GRIN2B: variants seen among roughly 807,000 people sequenced by gnomAD.
GRIN2B encodes the protein glutamate ionotropic receptor NMDA type subunit 2B.
Under a neutral mutation model 114.5 loss-of-function variants are expected in GRIN2B, and 5 were observed. The observed-to-expected ratio is 0.04, with a 90% CI of 0.02 to 0.09. The LOEUF (loss-of-function observed/expected upper bound fraction) is 0.09, where lower values mean the gene tolerates loss of function less well. GRIN2B is among the 10% of genes least tolerant of loss of function. The probability of loss-of-function intolerance (pLI) is 1.00; values close to 1 mark genes in which losing one functional copy is unlikely to be tolerated. For missense variants in GRIN2B, 1,108 were observed against 1,943.5 expected (o/e 0.57, Z 8.08); for synonymous variants, 787 against 745.1 (o/e 1.06, Z -0.92).
At chr12:13,788,262 C>A (rs74067303) in intron 3 of GRIN2B, among the ~76,000 whole-genome samples, 6,095 of 152,210 alleles carry the variant, frequency 0.04, 194 homozygotes, top group African/African-American at 0.09. Flanking sequence ...GGGGACAGAA[C>A]TGGACTCTCA....
At position 13,549,069 on chromosome 12, in the gene GRIN2B, C is replaced by T. The variant is rs1270040219; in HGVS notation, c.*13714G>A. On this transcript the variant is annotated 3_prime_UTR_variant, in exon 14 of 14. Transcript: ENST00000609686. ...GCTCTTTCACTGTTTTTGGTTTAAG[C>T]ATAATGCTGTGAGCCAAAATTTCTT... 6.6e-6 allele frequency: 1 copy of T among 151,972 alleles called. No individual in the cohort carries two copies. Among genetic ancestry groups the T allele is most frequent in the African/African-American group, 2.4e-5 (1 of 41,370 alleles). The allele number at this position is 151,972 out of a possible 1,614,324, so 9.4% of individuals were successfully genotyped here.
chr12:13,619,526 G>A (rs1404733544), intron 5 of GRIN2B, among the ~76,000 whole-genome samples: 2 of 152,126 alleles, frequency 1.3e-5, no homozygotes, highest in Non-Finnish European at 2.9e-5. Flanking sequence ...TGTTCACGCA[G>A]TTCCCTCTAT....
intron 3 of GRIN2B, among the ~76,000 whole-genome samples, chr12:13,755,338 GA>G (rs1863558370): frequency 6.6e-6 from 1 of 152,226 alleles, no homozygotes; most frequent in Non-Finnish European, 1.5e-5. Flanking sequence ...ATTCGGCAAT[GA>G]GAGCTGCCAG....
At chr12:13,725,750 A>G (rs1862973775) in intron 4 of GRIN2B, among the ~76,000 whole-genome samples, 1 of 152,162 alleles carries the variant, frequency 6.6e-6, no homozygotes, top group Admixed American at 6.5e-5. Context: ...TCCAGGGAAG[A>G]GGGCCCAGGG....
chr12:13,773,451 C>A (rs1314251125), intron 3 of GRIN2B, among the ~76,000 whole-genome samples: 1 of 152,202 alleles, frequency 6.6e-6, no homozygotes, highest in African/African-American at 2.4e-5. Context: ...CAGTTGTCTG[C>A]TTCTTCTTTA....
At chr12:13,737,062 C>G (rs1009903207) in intron 4 of GRIN2B, among the ~76,000 whole-genome samples, 1 of 146,776 alleles carries the variant, frequency 6.8e-6, no homozygotes, top group African/African-American at 2.5e-5. Flanking sequence ...AGAAAAAGAA[C>G]ATGCAACATA....
chr12:13,633,352 A>T (rs570180701), intron 5 of GRIN2B, among the ~76,000 whole-genome samples: 1 of 152,340 alleles, frequency 6.6e-6, no homozygotes, highest in African/African-American at 2.4e-5. Context: ...AGCCTCACGC[A>T]TGCTAATGTT....
At chr12:13,823,998 G>C (rs1451219166) in intron 3 of GRIN2B, among the ~76,000 whole-genome samples, 2 of 152,100 alleles carry the variant, frequency 1.3e-5, no homozygotes, top group African/African-American at 4.8e-5. Flanking sequence ...TCTTAGATAT[G>C]ATGTATTATC....
At chr12:13,964,357 C>T (rs936961263) in intron 2 of GRIN2B, among the ~76,000 whole-genome samples, 1 of 152,160 alleles carries the variant, frequency 6.6e-6, no homozygotes, top group African/African-American at 2.4e-5. Flanking sequence ...GGAGGATAGG[C>T]ATTAAATTTG....
At chr12:13,937,476 A>G (rs139682912) in intron 2 of GRIN2B, among the ~76,000 whole-genome samples, 35 of 143,020 alleles carry the variant, frequency 2.4e-4, no homozygotes, top group African/African-American at 8.8e-4. Context: ...AGACAATGGA[A>G]TAATATCTCT....
At chr12:13,812,969 G>A (rs1864761479) in intron 3 of GRIN2B, among the ~76,000 whole-genome samples, 1 of 129,468 alleles carries the variant, frequency 7.7e-6, no homozygotes, top group African/African-American at 3.0e-5. Context: ...GAGTATTGCT[G>A]TCTCTCCAGG....
At chr12:13,694,448 T>C (rs1950240922) in intron 4 of GRIN2B, among the ~76,000 whole-genome samples, 2 of 151,822 alleles carry the variant, frequency 1.3e-5, no homozygotes, top group African/African-American at 4.8e-5. Flanking sequence ...TCTCAAGCAC[T>C]GATTGTGTTA....
chr12:13,949,946 T>C (rs1452558127), intron 2 of GRIN2B, among the ~76,000 whole-genome samples: 3 of 152,050 alleles, frequency 2.0e-5, no homozygotes, highest in Admixed American at 6.6e-5. Flanking sequence ...AAGGAGGAAC[T>C]CAAAAGAGAG....
intron 5 of GRIN2B, among the ~76,000 whole-genome samples, chr12:13,667,736 T>C (rs12422385): frequency 0.079 from 11,955 of 152,252 alleles, 757 homozygotes; most frequent in East Asian, 0.29. Flanking sequence ...ATGCCAATTC[T>C]GTTGTATTAT....
At chr12:13,660,193 C>A (rs1393481747) in intron 5 of GRIN2B, among the ~76,000 whole-genome samples, 2 of 152,176 alleles carry the variant, frequency 1.3e-5, no homozygotes, top group African/African-American at 4.8e-5. Flanking sequence ...TCCAAATAAT[C>A]AAGTTGCTAA....
chr12:13,770,754 G>A (rs1863892504), intron 3 of GRIN2B, among the ~76,000 whole-genome samples: 1 of 152,168 alleles, frequency 6.6e-6, no homozygotes, highest in Non-Finnish European at 1.5e-5. Context: ...ACTTATGAGT[G>A]AGAAGCTGGA....
chr12:13,802,106 T>C (rs1298749985), intron 3 of GRIN2B, among the ~76,000 whole-genome samples: 1 of 152,020 alleles, frequency 6.6e-6, no homozygotes, highest in Non-Finnish European at 1.5e-5. Flanking sequence ...TCTAGCCAAA[T>C]AAACAAATGT....
intron 4 of GRIN2B, among the ~76,000 whole-genome samples, chr12:13,692,785 T>TTTTG (rs1950226634): frequency 8.2e-6 from 1 of 121,502 alleles, no homozygotes; most frequent in African/African-American, 2.9e-5. Context: ...TTTTTTTTTT[T>TTTTG]GAGGCAGAGT....
At chr12:13,933,916 A>G (rs2136826912) in intron 2 of GRIN2B, among the ~76,000 whole-genome samples, 1 of 152,290 alleles carries the variant, frequency 6.6e-6, no homozygotes, top group African/African-American at 2.4e-5. Flanking sequence ...CCTCCTCCTC[A>G]AGCCTTCCTC....
Sources: allele counts gnomAD v4.1 joint callset (sites outside exome capture counted in the v4.1 genomes callset), GRCh38; gene constraint gnomAD v4.1.1; transcripts MANE v1.5; gene names NCBI Gene and HGNC (gene_info 2026-07-23, HGNC 2026-07-21).